Variants in GRIN2B observed in about 807,000 individuals in gnomAD.
GRIN2B encodes the protein glutamate ionotropic receptor NMDA type subunit 2B.
GRIN2B carries 5 observed loss-of-function variants against 114.5 expected under a neutral mutation model. The ratio of observed to expected loss-of-function variants is 0.04; its 90% CI spans 0.02 to 0.09. GRIN2B has a LOEUF of 0.09. Among genes scored for constraint, GRIN2B ranks in the 10% least tolerant of loss-of-function variants. The pLI, the probability that GRIN2B is intolerant of heterozygous loss-of-function variation, is 1.00. For synonymous variants in GRIN2B, 787 were observed against 745.1 expected (o/e 1.06, Z -0.92); for missense variants, 1,108 against 1,943.5 (o/e 0.57, Z 8.08).
In GRIN2B at chr12:13,608,774, C is replaced by G. The variant is rs1338952775; in HGVS notation, c.1839G>C (p.Val613=). 6.2e-6 allele frequency: 10 copies of G among 1,613,982 alleles called. No homozygotes were observed. In the African/African-American group the frequency reaches 1.2e-4, roughly 19 times the overall value. The change falls in exon 10 of 14, where the codon GTG becomes GTC. Residue 613 remains valine, a synonymous_variant. Transcript: ENST00000609686. ...TCTGCACAGGTACGGAGTTGTTAAA[C>G]ACCAGACCCCAGAGCAACCAAATAG... ...GKAIWLLWGL[V]FNNSVPVQNP...
chr12:13,646,002 T>A (rs1051673560), intron 5 of GRIN2B, among the ~76,000 whole-genome samples: 5 of 152,140 alleles, frequency 3.3e-5, no homozygotes. Context: ...TAAATTTATA[T>A]TCTTCTAGTC....
chr12:13,611,203 C>A (rs1465999263), intron 9 of GRIN2B, among the ~76,000 whole-genome samples: 1 of 152,116 alleles, frequency 6.6e-6, no homozygotes, highest in Non-Finnish European at 1.5e-5. Context: ...TTTCCAACAC[C>A]CAACTTTTAT....
intron 3 of GRIN2B, among the ~76,000 whole-genome samples, chr12:13,754,585 T>C (rs34192141): frequency 0.59 from 89,219 of 151,574 alleles, 27,361 homozygotes; most frequent in African/African-American, 0.76. Flanking sequence ...TCTATAAACA[T>C]ATAAATGTTA....
At chr12:13,829,581 C>A (rs1267618943) in intron 3 of GRIN2B, among the ~76,000 whole-genome samples, 7 of 152,144 alleles carry the variant, frequency 4.6e-5, no homozygotes, top group Non-Finnish European at 7.4e-5. Flanking sequence ...TGAGAAGACC[C>A]AATGATAATG....
chr12:13,865,152 C>T (rs748860609), intron 3 of GRIN2B, among the ~76,000 whole-genome samples: 71 of 152,140 alleles, frequency 4.7e-4, no homozygotes, highest in Non-Finnish European at 9.7e-4. Context: ...GGGGAGAACA[C>T]GTATTGCCAA....
intron 10 of GRIN2B, among the ~76,000 whole-genome samples, chr12:13,585,037 G>A (rs183091245): frequency 6.6e-6 from 1 of 152,312 alleles, no homozygotes; most frequent in African/African-American, 2.4e-5. Flanking sequence ...AAGTAAAGAA[G>A]ACAGATGGAT....
At chr12:13,825,748 C>T (rs890225735) in intron 3 of GRIN2B, among the ~76,000 whole-genome samples, 4 of 151,886 alleles carry the variant, frequency 2.6e-5, no homozygotes, top group African/African-American at 9.7e-5. Context: ...ACCTCTTGAC[C>T]TCAGGTGATC....
Position 13,641,441 on chromosome 12 carries a change from T to C in GRIN2B, c.1126-24784A>G, listed in dbSNP as rs536409534. 1.4e-4 allele frequency among the ~76,000 whole-genome samples: 21 copies of C among 152,230 alleles called. 1 individual carries two copies. Among genetic ancestry groups the C allele is most frequent in the Admixed American group, 1.2e-3 (18 of 15,284 alleles). ...GGTAGCTCTCAGCCTGACTTGCCAT[T>C]TCCATGTCTTATACTTCTCTGTCTT... On this transcript the variant is annotated intron_variant, in intron 5 of 13. Transcript: ENST00000609686.
chr12:13,820,598 G>A (rs1358851560), intron 3 of GRIN2B, among the ~76,000 whole-genome samples: 1 of 152,072 alleles, frequency 6.6e-6, no homozygotes, highest in African/African-American at 2.4e-5. Flanking sequence ...GCTTGTTATG[G>A]GAAGCAACCA....
intron 2 of GRIN2B, among the ~76,000 whole-genome samples, chr12:13,939,928 G>C (rs12582621): frequency 0.049 from 7,383 of 152,148 alleles, 240 homozygotes; most frequent in Middle Eastern, 0.071. Flanking sequence ...AACTAGAAAG[G>C]GTTGAGTGTG....
intron 10 of GRIN2B, among the ~76,000 whole-genome samples, chr12:13,607,196 T>TATATA: frequency 2.7e-5 from 3 of 110,436 alleles, no homozygotes; most frequent in Non-Finnish European, 5.2e-5. Context: ...ATATAAAAAA[T>TATATA]ATATATAATA....
At position 13,607,351 on chromosome 12, in the gene GRIN2B, A is replaced by T. The variant is rs1427230973; in HGVS notation, c.2010+1252T>A. Among the ~76,000 whole-genome samples the T allele has an allele frequency of 1.5e-3, 44 of 29,668 alleles. 1 individual carries two copies. The highest frequency in any genetic ancestry group is 0.034 in the Middle Eastern group (2 of 58). 19.5% of individuals were successfully genotyped at this position (29,668 alleles called of 152,430 possible). The stretch of plus-strand genomic sequence containing the variant: ...TAATATATATTATATATAATATATA[A>T]AATATATAATATATATTATATATTA... On this transcript the variant is annotated intron_variant, in intron 10 of 13. Transcript: ENST00000609686.
At chr12:13,923,957 A>C (rs1435402493) in intron 2 of GRIN2B, among the ~76,000 whole-genome samples, 2 of 152,090 alleles carry the variant, frequency 1.3e-5, no homozygotes. Flanking sequence ...TAACAAGGCC[A>C]CTCTCTTGTA....
chr12:13,947,735 A>T (rs1457463511), intron 2 of GRIN2B, among the ~76,000 whole-genome samples: 1 of 152,124 alleles, frequency 6.6e-6, no homozygotes, highest in Non-Finnish European at 1.5e-5. Flanking sequence ...GCTGTGGCTC[A>T]TTTTCCAGCT....
In GRIN2B at chr12:13,562,997, G is replaced by A. The variant is rs751107971; in HGVS notation, c.4241C>T (p.Ala1414Val). ...YFFRQPTVAG[A>V]SKARPDFRAL... is the part of the protein sequence containing the mutation. The stretch of plus-strand genomic sequence containing the variant: ...CCGGAAGTCCGGCCTGGCTTTCGAC[G>A]CCCCCGCCACCGTGGGCTGCCTGAA... Residue 1414 changes from alanine (A) to valine (V), a missense_variant, in exon 14 of 14, where the codon GCG (alanine) becomes GTG (valine). By Grantham distance (64) the Ala-to-Val change is moderately conservative (BLOSUM62 0). Coordinates refer to ENST00000609686, the MANE Select transcript of GRIN2B (RefSeq NM_000834.5). The A allele has an allele frequency of 8.1e-6, 13 of 1,613,212 alleles. No individual in the cohort carries two copies. The African/African-American group carries it at 1.1e-4, about 13-fold the overall frequency.
chr12:13,605,551 T>TCTCTCA, intron 10 of GRIN2B, among the ~76,000 whole-genome samples: 3 of 30,502 alleles, frequency 9.8e-5, no homozygotes, highest in Non-Finnish European at 1.5e-4. Context: ...TCTCTCTCTC[T>TCTCTCA]GACACACACA....
chr12:13,614,311 T>G (rs993969998), intron 8 of GRIN2B, among the ~76,000 whole-genome samples: 2 of 152,210 alleles, frequency 1.3e-5, no homozygotes, highest in Non-Finnish European at 2.9e-5. Flanking sequence ...TGATGTGCCT[T>G]AGAGAGACGG....
chr12:13,945,764 G>A (rs1867352835), intron 2 of GRIN2B, among the ~76,000 whole-genome samples: 1 of 152,138 alleles, frequency 6.6e-6, no homozygotes, highest in Non-Finnish European at 1.5e-5. Context: ...TGAGACATGG[G>A]AACATAAACA....
chr12:13,796,102 CA>C (rs1864415180), intron 3 of GRIN2B, among the ~76,000 whole-genome samples: 1 of 130,952 alleles, frequency 7.6e-6, no homozygotes, highest in African/African-American at 2.8e-5. Flanking sequence ...AAAAAAGAAA[CA>C]GCTTTCCAGT....
Sources: gnomAD v4.1 joint callset for allele counts (sites outside exome capture counted in the v4.1 genomes callset) on GRCh38, gnomAD v4.1.1 for gene constraint, MANE v1.5 for transcripts, NCBI Gene and HGNC (gene_info 2026-07-23, HGNC 2026-07-21) for gene names.